PITPNM3: variants seen among roughly 807,000 people sequenced by gnomAD.
The protein encoded by PITPNM3 is membrane-associated phosphatidylinositol transfer protein 3.
In PITPNM3, 26 loss-of-function variants were observed where a neutral mutation model predicts 102.0. That is an observed-to-expected ratio of 0.25 (90% confidence interval 0.19 to 0.35). The LOEUF (loss-of-function observed/expected upper bound fraction) is 0.35, where lower values mean the gene tolerates loss of function less well. PITPNM3 is among the 10% of genes least tolerant of loss of function. The probability of loss-of-function intolerance (pLI) is 1.00; values close to 1 mark genes in which losing one functional copy is unlikely to be tolerated. For missense variants in PITPNM3, 1,083 were observed against 1,346.1 expected, an observed-to-expected ratio of 0.80 and a Z score of 3.06; for synonymous variants, 578 against 558.6, an observed-to-expected ratio of 1.03 and a Z score of -0.49.
rs142601664 is a variant in PITPNM3 at position 6,487,898 on chromosome 17, C to T, written c.275-3606G>A. Reference sequence around the variant, plus strand: ...GCAGGATTGTCCTCAGTATCCCTCACTCCTCCCTAGCAGGAGGAAAGAGTC... The same window carrying T: ...GCAGGATTGTCCTCAGTATCCCTCATTCCTCCCTAGCAGGAGGAAAGAGTC... On this transcript the variant is annotated intron_variant, in intron 4 of 19. Transcript: ENST00000262483. 3.7e-4 allele frequency among the ~76,000 whole-genome samples: 57 copies of T among 152,330 alleles called. 3 individuals carry two copies. In the East Asian group the frequency reaches 7.9e-3, roughly 21 times the overall value.
chr17:6,546,895 A>C (rs971786680), intron 1 of PITPNM3, among the ~76,000 whole-genome samples: 5 of 151,976 alleles, frequency 3.3e-5, no homozygotes, highest in African/African-American at 1.2e-4. Context: ...AATCCCAGCT[A>C]CTCGGGAGGC....
chr17:6,461,435 C>T lies in PITPNM3; in HGVS notation c.2428G>A (p.Asp810Asn). 4.3e-6 allele frequency: 7 copies of T among 1,614,146 alleles called. No homozygotes were observed. The highest frequency in any genetic ancestry group is 1.3e-5 in the African/African-American group (1 of 75,050). ...NFPQGMIFFSDGLVHDPLRQK... is the reference protein window; with the variant it reads ...NFPQGMIFFSNGLVHDPLRQK... ...CGCAGCGGGTCATGCACCAGCCCATCGGAGAAGAAGATCATGCCCTGTGGG... is the reference window on the plus strand; with the variant it reads ...CGCAGCGGGTCATGCACCAGCCCATTGGAGAAGAAGATCATGCCCTGTGGG... Residue 810 changes from aspartate to asparagine, a missense_variant, in exon 18 of 20, where the codon GAT becomes AAT. Transcript: ENST00000262483.
chr17:6,481,853 TAGAGAGAGAGAGAGAGAGAGAGAGAGAG>T (rs369845541), intron 6 of PITPNM3: 15 of 68,520 alleles, frequency 2.2e-4, no homozygotes, highest in African/African-American at 6.3e-4. Flanking sequence ...AATAGAATGA[TAGAGAGAGAGAGAGAGAGAGAGAGAGAG>T]AGAGAGAGAG....
rs1189058911 is a variant in PITPNM3, at chr17:6,453,951, A to G, written c.*1387T>C. ...GATGCAGGAAAGCAGTGCCCAGGCCAAGGTTCAGCAGCAGGAGGGCCTGAG... is the reference window on the plus strand; with the variant it reads ...GATGCAGGAAAGCAGTGCCCAGGCCGAGGTTCAGCAGCAGGAGGGCCTGAG... On this transcript the variant is annotated 3_prime_UTR_variant, in exon 20 of 20. Transcript: ENST00000262483. 1.3e-5 allele frequency: 2 copies of G among 152,582 alleles called. No homozygotes were observed. Among genetic ancestry groups the G allele is most frequent in the African/African-American group, 2.4e-5 (1 of 41,472 alleles). The allele number at this position is 152,582 out of a possible 1,614,324, so 9.5% of individuals were successfully genotyped here. A position where few individuals can be genotyped will look rare whatever the true frequency, so the allele number is the denominator to read the frequency against.
At chr17:6,504,122 G>A (rs1907347253) in intron 3 of PITPNM3, among the ~76,000 whole-genome samples, 1 of 152,116 alleles carries the variant, frequency 6.6e-6, no homozygotes, top group African/African-American at 2.4e-5. Flanking sequence ...GCTTCCTCTA[G>A]GGCCCCAGGT....
Position 6,469,307 on chromosome 17 carries a change from CCAGA to C in PITPNM3, c.1773+949_1773+952del, listed in dbSNP as rs1195779411. Among the ~76,000 whole-genome samples the C allele has an allele frequency of 6.6e-6, 1 of 152,196 alleles. No individual in the cohort carries two copies. The highest frequency in any genetic ancestry group is 1.5e-5 in the Non-Finnish European group (1 of 68,026). On this transcript the variant is annotated intron_variant, in intron 13 of 19. Transcript: ENST00000262483. This position sits in a 1 kb window ranked among gnomAD's most constrained non-coding sequence, Gnocchi z 4.0. The stretch of plus-strand genomic sequence containing the variant: ...AAGAGGCAGCTCACACTTCACACAC[CCAGA>C]CAGTCGTGGATGTGCCACGTGGGGC...
chr17:6,458,883 C>G lies in PITPNM3; in HGVS notation c.2491-1161G>C, dbSNP rs1904327126. Among the ~76,000 whole-genome samples, 1 of 152,092 alleles carries G rather than the reference C, an allele frequency of 6.6e-6. No individual in the cohort carries two copies. Among genetic ancestry groups the G allele is most frequent in the Non-Finnish European group, 1.5e-5 (1 of 68,008 alleles). Reference sequence around the variant, plus strand: ...TGCCCACCGAGAGCTGCTAAAGAAACAGAGCCACGCAGCTCTCACCTTCCA... The same window carrying G: ...TGCCCACCGAGAGCTGCTAAAGAAAGAGAGCCACGCAGCTCTCACCTTCCA... On this transcript the variant is annotated intron_variant, in intron 18 of 19. Transcript: ENST00000262483. The surrounding 1 kb of genome is among the most constrained non-coding windows in gnomAD (Gnocchi z 5.1).
intron 4 of PITPNM3, among the ~76,000 whole-genome samples, chr17:6,492,638 G>T (rs1230848607): frequency 6.6e-6 from 1 of 151,932 alleles, no homozygotes; most frequent in African/African-American, 2.4e-5. Flanking sequence ...GGGTGGATCA[G>T]TTGAGGTCAG....
At chr17:6,502,678 G>A (rs1907255665) in intron 4 of PITPNM3, among the ~76,000 whole-genome samples, 1 of 152,128 alleles carries the variant, frequency 6.6e-6, no homozygotes, top group Admixed American at 6.5e-5. Context: ...AAAGGAGCAG[G>A]AGAGAGAAGT....
chr17:6,471,178 G>C lies in PITPNM3; in HGVS notation c.1607C>G (p.Pro536Arg). The change falls in exon 12 of 20, where the codon CCC becomes CGC. Residue 536 changes from proline to arginine, a missense_variant. Physicochemically the swap from Pro to Arg is moderately radical, Grantham distance 103 (BLOSUM62 -2). Around this residue, in one of 5 missense-constraint regions of PITPNM3, gnomAD observed 410 missense variants for 638.4 expected, o/e 0.64. Coordinates refer to ENST00000262483, the MANE Select transcript of PITPNM3 (RefSeq NM_031220.4). Reference protein sequence around the residue: ...ESSESSDSMAPVGASRITAKW... With the variant: ...ESSESSDSMARVGASRITAKW... ...TCACTCACTGCGGGAGGCACCCACG[G>C]GTGCCATGCTGTCCGAGGACTCCGA... 6.2e-7 allele frequency: 1 copy of C among 1,612,644 alleles called. No homozygotes were observed. The highest frequency in any genetic ancestry group is 8.5e-7 in the Non-Finnish European group (1 of 1,179,984).
intron 2 of PITPNM3, among the ~76,000 whole-genome samples, chr17:6,536,853 T>A (rs1909463046): frequency 1.3e-5 from 2 of 152,072 alleles, no homozygotes; most frequent in South Asian, 4.2e-4. Context: ...CTTCCCAGAG[T>A]GGGGCCACGC....
intron 3 of PITPNM3, among the ~76,000 whole-genome samples, chr17:6,518,451 C>CAA (rs74413304): frequency 1.5e-4 from 17 of 112,806 alleles, no homozygotes; most frequent in African/African-American, 4.0e-4. Flanking sequence ...GGTAAAAAAG[C>CAA]AAAAAAAAAA....
At chr17:6,512,092 A>G (rs897545772) in intron 3 of PITPNM3, among the ~76,000 whole-genome samples, 1 of 152,172 alleles carries the variant, frequency 6.6e-6, no homozygotes, top group South Asian at 2.1e-4. Flanking sequence ...TCCTCCCCCA[A>G]CCCCTGCTTA....
At chr17:6,492,728 G>T (rs1906570194) in intron 4 of PITPNM3, among the ~76,000 whole-genome samples, 1 of 152,010 alleles carries the variant, frequency 6.6e-6, no homozygotes, top group Admixed American at 6.6e-5. Context: ...ATGGTGGCGG[G>T]TGCCTGTAAT....
At chr17:6,488,887 C>T (rs758381018) in intron 4 of PITPNM3, among the ~76,000 whole-genome samples, 1 of 152,146 alleles carries the variant, frequency 6.6e-6, no homozygotes, top group South Asian at 2.1e-4. Flanking sequence ...CCTGCAGTGC[C>T]CAGATTTGGG....
At chr17:6,466,351 C>T (rs897445738) in intron 14 of PITPNM3, among the ~76,000 whole-genome samples, 1 of 152,196 alleles carries the variant, frequency 6.6e-6, no homozygotes, top group Non-Finnish European at 1.5e-5. Context: ...CTGCAGACAC[C>T]TCATCTGCAT....
intron 2 of PITPNM3, among the ~76,000 whole-genome samples, chr17:6,536,339 A>G (rs1909430288): frequency 2.0e-5 from 3 of 152,232 alleles, no homozygotes; most frequent in Admixed American, 2.0e-4. Context: ...TCAGCTGGGA[A>G]CGCAGAGCCC....
At chr17:6,536,288 G>A (rs929573860) in intron 2 of PITPNM3, among the ~76,000 whole-genome samples, 4 of 152,182 alleles carry the variant, frequency 2.6e-5, no homozygotes, top group Non-Finnish European at 1.5e-5. Flanking sequence ...GGCCCGAAGG[G>A]ATAGAGCTGA....
intron 4 of PITPNM3, among the ~76,000 whole-genome samples, chr17:6,493,235 G>A (rs540490840): frequency 1.7e-4 from 26 of 152,226 alleles, no homozygotes; most frequent in Admixed American, 9.2e-4. Context: ...AAATGAGAGG[G>A]AGACATCCCT....
Sources: allele counts gnomAD v4.1 joint callset (sites outside exome capture counted in the v4.1 genomes callset), GRCh38; gene constraint gnomAD v4.1.1; regional missense constraint gnomAD v4.1.1; non-coding constraint Gnocchi (gnomAD v3.1); transcripts MANE v1.5; gene names NCBI Gene and HGNC (gene_info 2026-07-23, HGNC 2026-07-21).